GDF5: variants seen among roughly 807,000 people sequenced by gnomAD.
GDF5 encodes growth/differentiation factor 5.
GDF5 carries 17 observed loss-of-function variants against 34.6 expected under a neutral mutation model. The observed-to-expected ratio is 0.49, with a 90% CI of 0.34 to 0.74. The LOEUF (loss-of-function observed/expected upper bound fraction) is 0.74. GDF5 is among the 30% of genes least tolerant of loss of function. The probability of loss-of-function intolerance (pLI) is 0.01; values close to 1 mark genes in which losing one functional copy is unlikely to be tolerated. For missense variants in GDF5, 616 were observed against 661.2 expected, an observed-to-expected ratio of 0.93 and a Z score of 0.75; for synonymous variants, 332 against 290.7, an observed-to-expected ratio of 1.14 and a Z score of -1.44.
rs746980493 is a variant in GDF5, at chr20:35,437,872, C to A, written c.57G>T (p.Leu19=). The A allele has an allele frequency of 1.8e-5, 29 of 1,614,036 alleles. No individual in the cohort carries two copies. The highest frequency in any genetic ancestry group is 2.4e-5 in the Non-Finnish European group (28 of 1,180,032). Residue 19 remains leucine (L), a synonymous_variant, in exon 1 of 2, where the codon CTG becomes CTT. Transcript: ENST00000374369. ...CACCCAACACAGTGCAGATGAATTC[C>A]AGGTCCAGCCAAGCCAGGTACCAAA... ...FLLWYLAWLD[L]EFICTVLGAP...
chr20:35,433,833 G>T lies in GDF5; in HGVS notation c.*76C>A. The stretch of plus-strand genomic sequence containing the variant: ...GTAGATGCTCCTGCCACAGCTTCCT[G>T]ACCCCTCTGTGATTCCAGGAGTGCA... On this transcript the variant is annotated 3_prime_UTR_variant, in exon 2 of 2. Coordinates refer to ENST00000374369, the MANE Select transcript of GDF5 (RefSeq NM_000557.5). The T allele has an allele frequency of 8.1e-7, 1 of 1,231,448 alleles. No homozygotes were observed. Among genetic ancestry groups the T allele is most frequent in the Non-Finnish European group, 1.2e-6 (1 of 834,898 alleles). The allele number at this position is 1,231,448 out of a possible 1,614,324, so 76.3% of individuals were successfully genotyped here.
Position 35,451,617 on chromosome 20 carries a change from T to TG in GDF5, c.-398+3022dup, listed in dbSNP as rs1324089815. ...TTTTTTCGAGACAGGGTCTTACTCCTGTCACCCAGGCTAGAGTGCAGTAGG... is the reference window on the plus strand; with the variant it reads ...TTTTTTCGAGACAGGGTCTTACTCCTGGTCACCCAGGCTAGAGTGCAGTAGG... On this transcript the variant is annotated intron_variant, in intron 1 of 3. Transcript: ENST00000374372. Among the ~76,000 whole-genome samples the TG allele has an allele frequency of 1.5e-4, 22 of 150,386 alleles. 1 individual carries two copies. Among genetic ancestry groups the TG allele is most frequent in the African/African-American group, 5.4e-4 (22 of 40,862 alleles).
intron 1 of GDF5, 78 bp downstream of exon 1, chr20:35,437,220 G>A (rs1161241602): frequency 3.8e-6 from 4 of 1,057,274 alleles, no homozygotes; most frequent in Non-Finnish European, 5.7e-6. Flanking sequence ...CCAGGGCAGT[G>A]CCAGGGCTTT....
At chr20:35,435,446 T>C (rs1601072454) in intron 1 of GDF5, 1 of 81,592 alleles carries the variant, frequency 1.2e-5, no homozygotes, top group African/African-American at 5.0e-5. Context: ...AGAAAGACCC[T>C]GGCTAAAAAA....
At chr20:35,434,820 C>T in intron 1 of GDF5, 37 bp from the exon 2 acceptor site, 1 of 1,607,906 alleles carries the variant, frequency 6.2e-7, no homozygotes. Context: ...CCTGCAACCT[C>T]ACCAAGGGAG....
chr20:35,437,236 C>T, intron 1 of GDF5, 62 bp downstream of exon 1: 6 of 1,203,306 alleles, frequency 5.0e-6, no homozygotes, highest in Non-Finnish European at 7.2e-6. Context: ...GCTTTGAAAG[C>T]CCCTCCATTC....
At chr20:35,443,088 G>A (rs2062503226), upstream of GDF5, among the ~76,000 whole-genome samples, 1 of 152,108 alleles carries the variant, frequency 6.6e-6, no homozygotes, top group Non-Finnish European at 1.5e-5. Context: ...TGAGGAACAG[G>A]GAACTCCCAG....
At chr20:35,449,990 TAA>T (rs1015071414) in intron 1 of GDF5, among the ~76,000 whole-genome samples, 5 of 135,778 alleles carry the variant, frequency 3.7e-5, no homozygotes, top group African/African-American at 2.7e-5. Flanking sequence ...CCCTGTCTCT[TAA>T]AAAAAAAAAA....
chr20:35,449,597 C>G (rs963776456), intron 1 of GDF5, among the ~76,000 whole-genome samples: 1 of 152,144 alleles, frequency 6.6e-6, no homozygotes, highest in East Asian at 1.9e-4. Context: ...AGGCTCTGGA[C>G]AGAGTTCATT....
intron 1 of GDF5, among the ~76,000 whole-genome samples, chr20:35,451,742 CA>C (rs889862281): frequency 3.9e-5 from 6 of 151,972 alleles, no homozygotes; most frequent in African/African-American, 1.4e-4. Flanking sequence ...CTATGTTGCC[CA>C]GGCTGGTCTC....
chr20:35,441,849 G>A (rs891986214), upstream of GDF5, among the ~76,000 whole-genome samples: 1 of 152,068 alleles, frequency 6.6e-6, no homozygotes. Flanking sequence ...TCATGACAAT[G>A]CTATGAAGGT....
intron 1 of GDF5, among the ~76,000 whole-genome samples, chr20:35,446,460 C>T (rs1449456488): frequency 1.5e-5 from 2 of 131,646 alleles, no homozygotes; most frequent in Non-Finnish European, 3.1e-5. Context: ...TTTTTTGAGA[C>T]AGGGTCTCAC....
At chr20:35,435,910 G>A (rs908340047) in intron 1 of GDF5, among the ~76,000 whole-genome samples, 2 of 152,164 alleles carry the variant, frequency 1.3e-5, no homozygotes, top group Non-Finnish European at 2.9e-5. Context: ...GATTGATCTT[G>A]TGTGTGTATG....
intron 1 of GDF5, among the ~76,000 whole-genome samples, chr20:35,450,375 C>T (rs551482827): frequency 4.3e-4 from 65 of 151,844 alleles, no homozygotes; most frequent in African/African-American, 1.5e-3. Context: ...CAGACTGTTA[C>T]CTTGCAGTGA....
chr20:35,441,848 T>A (rs2062498961), upstream of GDF5, among the ~76,000 whole-genome samples: 1 of 152,156 alleles, frequency 6.6e-6, no homozygotes, highest in Non-Finnish European at 1.5e-5. Flanking sequence ...TTCATGACAA[T>A]GCTATGAAGG....
chr20:35,433,412 A>C lies in GDF5; in HGVS notation c.*497T>G. ...TTAAATCTAACAGTCTAACAGCCTC[A>C]CACTCCTCAACTCTATCCAAGCCCT... On this transcript the variant is annotated 3_prime_UTR_variant, in exon 2 of 2. Coordinates refer to ENST00000374369, the MANE Select transcript of GDF5 (RefSeq NM_000557.5). 3.2e-6 allele frequency: 1 copy of C among 316,026 alleles called. No individual in the cohort carries two copies. The highest frequency in any genetic ancestry group is 6.2e-6 in the Non-Finnish European group (1 of 160,226). The allele number at this position is 316,026 out of a possible 1,614,324, so 19.6% of individuals were successfully genotyped here. A position where few individuals can be genotyped will look rare whatever the true frequency, so the allele number is the denominator to read the frequency against.
intron 1 of GDF5, among the ~76,000 whole-genome samples, chr20:35,451,582 CTTT>C (rs750856510): frequency 7.6e-6 from 1 of 131,792 alleles, no homozygotes. Flanking sequence ...TTTTTTTTTC[CTTT>C]TTTTTTTTTT....
At position 35,434,533 on chromosome 20, in the gene GDF5, G is replaced by A. The variant is rs766319976; in HGVS notation, c.882C>T (p.Phe294=). 1 of 1,601,622 alleles carries A rather than the reference G, an allele frequency of 6.2e-7. No homozygotes were observed. Among genetic ancestry groups the A allele is most frequent in the Non-Finnish European group, 8.5e-7 (1 of 1,173,188 alleles). The change falls in exon 2 of 2, where the codon TTC becomes TTT. Residue 294 remains phenylalanine (F), a synonymous_variant. Transcript: ENST00000374369. ...PGLDGSGWEV[F]DIWKLFRNFK... ...AGTTTCGGAAGAGCTTCCAGATGTCGAACACCTCCCAGCCAGATCCGTCCA... is the reference window on the plus strand; with the variant it reads ...AGTTTCGGAAGAGCTTCCAGATGTCAAACACCTCCCAGCCAGATCCGTCCA...
In GDF5 at chr20:35,437,380, A is replaced by G. The variant is rs1376836125; in HGVS notation, c.549T>C (p.Ala183=). The change falls in exon 1 of 2, where the codon GCT becomes GCC. Residue 183 remains alanine (A), a synonymous_variant. Transcript: ENST00000374369. ...CGCTGCTGTTGCCTCCCTTTCTGTC[A>G]GCATCGGACAGCGTCCTGTACAGCG... ...MLSLYRTLSD[A]DRKGGNSSVK... 21 of 1,612,310 alleles carry G rather than the reference A, an allele frequency of 1.3e-5. No homozygotes were observed. The Admixed American group carries it at 1.5e-4, about 12-fold the overall frequency.
Sources: allele counts gnomAD v4.1 joint callset (sites outside exome capture counted in the v4.1 genomes callset), GRCh38; gene constraint gnomAD v4.1.1; transcripts MANE v1.5; gene names NCBI Gene and HGNC (gene_info 2026-07-23, HGNC 2026-07-21).